The following SHISA9 variants were observed in gnomAD, a reference collection of about 807,000 sequenced individuals.
The protein encoded by SHISA9 is shisa family member 9, also known as protein shisa-9.
A neutral mutation model predicts 38.0 loss-of-function variants in SHISA9; 13 were observed. The observed-to-expected ratio is 0.34, with a 90% CI of 0.22 to 0.54. The LOEUF is 0.54. Among genes scored for constraint, SHISA9 ranks in the 20% least tolerant of loss-of-function variants. The pLI, the probability that SHISA9 is intolerant of heterozygous loss-of-function variation, is 0.91. For synonymous variants in SHISA9, 275 were observed against 242.0 expected, an observed-to-expected ratio of 1.14 and a Z score of -1.27; for missense variants, 538 against 575.8, an observed-to-expected ratio of 0.93 and a Z score of 0.67.
the SHISA9 span, among the ~76,000 whole-genome samples, chr16:13,255,918 T>C: frequency 6.6e-6 from 1 of 152,206 alleles, no homozygotes; most frequent in African/African-American, 2.4e-5. Context: ...GCAGCCAGAA[T>C]ACTTAAATTT....
At chr16:13,335,417 A>G in the SHISA9 span, among the ~76,000 whole-genome samples, 2 of 152,144 alleles carry the variant, frequency 1.3e-5, no homozygotes, top group Non-Finnish European at 2.9e-5. Context: ...TGCTTTCAAT[A>G]TCTATCCCCT....
chr16:12,983,965 A>G (rs994075122), intron 2 of SHISA9, among the ~76,000 whole-genome samples: 1 of 152,176 alleles, frequency 6.6e-6, no homozygotes, highest in Non-Finnish European at 1.5e-5. Context: ...GCTTCTGTTC[A>G]TAATTCCTAC....
At chr16:13,181,288 TATATATATATATATATATATATATACAC>T (rs1289790045) in intron 2 of SHISA9, among the ~76,000 whole-genome samples, 7 of 43,002 alleles carry the variant, frequency 1.6e-4, no homozygotes, top group African/African-American at 6.2e-4. Context: ...TATATATATA[TATATATATATATATATATATATATACAC>T]ACACACACAC....
At chr16:13,244,596 T>C (rs1450971686), downstream of SHISA9, among the ~76,000 whole-genome samples, 2 of 152,234 alleles carry the variant, frequency 1.3e-5, no homozygotes, top group Non-Finnish European at 2.9e-5. Flanking sequence ...AAATATGTGT[T>C]AATCAATTGT....
the SHISA9 span, among the ~76,000 whole-genome samples, chr16:13,396,559 C>T: frequency 0.018 from 2,703 of 152,296 alleles, 31 homozygotes; most frequent in Middle Eastern, 0.051. Flanking sequence ...TTCTCTCAGA[C>T]AGACTAGACC....
Position 13,175,989 on chromosome 16 carries a change from C to G in SHISA9, c.692-27405C>G, listed in dbSNP as rs1287014792. 3.9e-5 allele frequency among the ~76,000 whole-genome samples: 6 copies of G among 152,234 alleles called. No homozygotes were observed. In the South Asian group the frequency reaches 8.3e-4, roughly 21 times the overall value. ...CCCTCTGTCTCTTGCCAAATCAAAT[C>G]TCTAAAGTTACATTTAAATGTAACT... On this transcript the variant is annotated intron_variant, in intron 2 of 4. Transcript: ENST00000558583.
chr16:12,941,558 A>G (rs1009804778), intron 2 of SHISA9, among the ~76,000 whole-genome samples: 9 of 152,324 alleles, frequency 5.9e-5, no homozygotes, highest in Admixed American at 5.2e-4. Context: ...TTATTTTAAA[A>G]TATAAAATTA....
the SHISA9 span, among the ~76,000 whole-genome samples, chr16:13,554,268 A>G: frequency 4.0e-5 from 6 of 149,710 alleles, no homozygotes; most frequent in Admixed American, 6.7e-5. Flanking sequence ...ATGTGAGCCA[A>G]TGAGAGAGGA....
chr16:13,467,324 C>T, the SHISA9 span, among the ~76,000 whole-genome samples: 1 of 152,128 alleles, frequency 6.6e-6, no homozygotes, highest in East Asian at 1.9e-4. Flanking sequence ...TTTTCCCACT[C>T]CCCCAGAGCA....
the SHISA9 span, among the ~76,000 whole-genome samples, chr16:13,277,708 T>C: frequency 2.6e-5 from 4 of 152,052 alleles, no homozygotes; most frequent in East Asian, 7.7e-4. Context: ...GAGTTCTTGA[T>C]TTGATTCTCC....
the SHISA9 span, among the ~76,000 whole-genome samples, chr16:13,439,070 A>C: frequency 6.6e-6 from 1 of 152,198 alleles, no homozygotes; most frequent in African/African-American, 2.4e-5. Context: ...AGGAAGACAA[A>C]TAGTGCATGA....
At chr16:13,138,661 G>A (rs1470780827) in intron 2 of SHISA9, among the ~76,000 whole-genome samples, 1 of 152,216 alleles carries the variant, frequency 6.6e-6, no homozygotes, top group African/African-American at 2.4e-5. Flanking sequence ...ATGGATGGAT[G>A]TCTCACAAGG....
chr16:12,992,556 A>G (rs1243273503), intron 2 of SHISA9, among the ~76,000 whole-genome samples: 1 of 151,870 alleles, frequency 6.6e-6, no homozygotes, highest in Non-Finnish European at 1.5e-5. Flanking sequence ...AACAAAAACA[A>G]AAAACCCAAA....
chr16:13,491,195 TG>T, the SHISA9 span, among the ~76,000 whole-genome samples: 1 of 152,182 alleles, frequency 6.6e-6, no homozygotes, highest in Non-Finnish European at 1.5e-5. Flanking sequence ...CTTTGTTCTT[TG>T]CCATGGCTTT....
chr16:13,216,351 A>C (rs970157345), intron 4 of SHISA9, among the ~76,000 whole-genome samples: 1 of 152,018 alleles, frequency 6.6e-6, no homozygotes, highest in Non-Finnish European at 1.5e-5. Flanking sequence ...CATATCACCT[A>C]CCTCCTAGGT....
chr16:13,400,125 A>C, the SHISA9 span, among the ~76,000 whole-genome samples: 1 of 152,168 alleles, frequency 6.6e-6, no homozygotes, highest in Non-Finnish European at 1.5e-5. Context: ...AGCAGGTTAG[A>C]AATACTGGAG....
Position 13,237,654 on chromosome 16 carries a change from C to CAAAAAAAAAAA in SHISA9, c.*2252_*2262dup, listed in dbSNP as rs60419034. On this transcript the variant is annotated 3_prime_UTR_variant, in exon 5 of 5. Transcript: ENST00000558583. Reference sequence around the variant, plus strand: ...CCTGGGTGACGGAGTGAGACTATCTCAAAAAAAAAAAAAAAAAGAAAAAAA... The same window carrying CAAAAAAAAAAA: ...CCTGGGTGACGGAGTGAGACTATCTCAAAAAAAAAAAAAAAAAAAAAAAAAAAAGAAAAAAA... 3.1e-5 allele frequency: 3 copies of CAAAAAAAAAAA among 96,672 alleles called. No individual in the cohort carries two copies. The highest frequency in any genetic ancestry group is 6.0e-5 in the Non-Finnish European group (3 of 50,406). 6.0% of individuals were successfully genotyped at this position (96,672 alleles called of 1,614,324 possible). A position where few individuals can be genotyped will look rare whatever the true frequency, so the allele number is the denominator to read the frequency against.
chr16:13,199,176 T>C (rs2050979858), intron 2 of SHISA9, among the ~76,000 whole-genome samples: 1 of 152,060 alleles, frequency 6.6e-6, no homozygotes, highest in Non-Finnish European at 1.5e-5. Context: ...ATCAAACAGA[T>C]GAGAGAAAGG....
the SHISA9 span, among the ~76,000 whole-genome samples, chr16:13,472,377 A>AGTTT: frequency 2.7e-4 from 15 of 55,470 alleles, no homozygotes; most frequent in South Asian, 1.9e-3. Flanking sequence ...GCTCTGCTAA[A>AGTTT]TTTTTTTTTT....
Sources: gnomAD v4.1 joint callset for allele counts (sites outside exome capture counted in the v4.1 genomes callset) on GRCh38, gnomAD v4.1.1 for gene constraint, MANE v1.5 for transcripts, NCBI Gene and HGNC (gene_info 2026-07-23, HGNC 2026-07-21) for gene names.